ASTN1: variants seen among roughly 807,000 people sequenced by gnomAD.
ASTN1 encodes astrotactin 1, also known as astrotactin-1.
In ASTN1, 41 loss-of-function variants were observed where a neutral mutation model predicts 140.7. That is an observed-to-expected ratio of 0.29 (90% CI 0.23 to 0.38). The LOEUF (loss-of-function observed/expected upper bound fraction) is 0.38, where lower values mean the gene tolerates loss of function less well. Ranked by LOEUF, ASTN1 falls within the 10% of genes least tolerant of loss-of-function variation. The probability of loss-of-function intolerance (pLI) is 1.00; values close to 1 mark genes in which losing one functional copy is unlikely to be tolerated. For synonymous variants in ASTN1, 640 were observed against 652.2 expected (o/e 0.98, Z 0.29); for missense variants, 1,479 against 1,678.8 (o/e 0.88, Z 2.08).
At position 176,985,845 on chromosome 1, in the gene ASTN1, TACACACACACACAC is replaced by T. The variant is rs60769752; in HGVS notation, c.1524-20622_1524-20609del. On this transcript the variant is annotated intron_variant, in intron 8 of 22. Transcript: ENST00000361833. ...TATTGGTTCTCTCTCTCTCTCTCTC[TACACACACACACAC>T]ACACACACACACACACACACACACA... is the stretch of plus-strand genomic sequence containing the variant. Among the ~76,000 whole-genome samples the T allele has an allele frequency of 3.0e-4, 39 of 129,744 alleles. No homozygotes were observed. In the South Asian group the frequency reaches 4.7e-3, roughly 16 times the overall value. 85.1% of individuals were successfully genotyped at this position (129,744 alleles called of 152,430 possible).
At chr1:176,871,218 T>C (rs950406903) in intron 21 of ASTN1, among the ~76,000 whole-genome samples, 9 of 151,980 alleles carry the variant, frequency 5.9e-5, no homozygotes, top group Non-Finnish European at 1.3e-4. Flanking sequence ...TTTCTGAAGT[T>C]GAGACAAGAA....
intron 2 of ASTN1, among the ~76,000 whole-genome samples, chr1:177,059,409 G>A (rs1677971419): frequency 6.6e-6 from 1 of 152,120 alleles, no homozygotes; most frequent in Admixed American, 6.5e-5. Context: ...TTCTCACAGA[G>A]GAAAAACACT....
At chr1:176,925,149 A>G (rs1670901117) in intron 16 of ASTN1, among the ~76,000 whole-genome samples, 2 of 152,224 alleles carry the variant, frequency 1.3e-5, no homozygotes, top group African/African-American at 2.4e-5. Flanking sequence ...GCCTAATCAA[A>G]GAAAAGCCTT....
intron 16 of ASTN1, among the ~76,000 whole-genome samples, chr1:176,902,633 G>A (rs778855374): frequency 1.3e-5 from 2 of 152,128 alleles, no homozygotes; most frequent in African/African-American, 4.8e-5. Flanking sequence ...ACAGCCTCCC[G>A]TATGCTTCTT....
intron 1 of ASTN1, among the ~76,000 whole-genome samples, chr1:177,116,851 T>C (rs1681113746): frequency 6.6e-6 from 1 of 152,148 alleles, no homozygotes; most frequent in African/African-American, 2.4e-5. Flanking sequence ...TTCCCACCCA[T>C]TAAATGCAAG....
At chr1:176,967,774 G>A (rs1257849968) in intron 8 of ASTN1, among the ~76,000 whole-genome samples, 1 of 152,184 alleles carries the variant, frequency 6.6e-6, no homozygotes, top group Non-Finnish European at 1.5e-5. Flanking sequence ...AGTAGTTTAG[G>A]TCAAGGAGAC....
intron 1 of ASTN1, among the ~76,000 whole-genome samples, chr1:177,082,034 G>C (rs1177751522): frequency 6.6e-6 from 1 of 152,198 alleles, no homozygotes; most frequent in Non-Finnish European, 1.5e-5. Flanking sequence ...GGAGGAGCAA[G>C]ATTGGCTGAG....
At chr1:176,884,577 C>T in intron 18 of ASTN1, 87 bp from the exon 19 acceptor site, 1 of 1,414,506 alleles carries the variant, frequency 7.1e-7, no homozygotes. Flanking sequence ...ATACTGTAAG[C>T]TTTTCTTTCC....
chr1:177,153,312 T>A (rs1683116684), intron 1 of ASTN1, among the ~76,000 whole-genome samples: 3 of 152,138 alleles, frequency 2.0e-5, no homozygotes, highest in Admixed American at 6.6e-5. Flanking sequence ...TCTTCCACCA[T>A]GAGTGGAAGC....
chr1:176,990,106 T>C (rs1674088660), intron 8 of ASTN1, among the ~76,000 whole-genome samples: 1 of 151,586 alleles, frequency 6.6e-6, no homozygotes, highest in Non-Finnish European at 1.5e-5. Flanking sequence ...ACAAATGCAG[T>C]AAAAAGGAGC....
chr1:177,057,567 T>A (rs1571720038), intron 2 of ASTN1, among the ~76,000 whole-genome samples: 1 of 152,136 alleles, frequency 6.6e-6, no homozygotes, highest in Non-Finnish European at 1.5e-5. Context: ...TTGGAAATAG[T>A]TAGGATTATT....
rs118100562 is a variant in ASTN1, at chr1:177,005,756, C to T, written c.1523+9035G>A. On this transcript the variant is annotated intron_variant, in intron 8 of 22. Transcript: ENST00000361833. ...TACAGGCGCCCGCCACCATGGCACC[C>T]GCCACCACGCCCAGCTAATTTTCTG... Among the ~76,000 whole-genome samples, 559 of 152,128 alleles carry T rather than the reference C, an allele frequency of 3.7e-3. 25 individuals are homozygous for T. In the East Asian group the frequency reaches 0.097, roughly 26 times the overall value.
At chr1:176,901,288 T>G (rs1410701530) in intron 16 of ASTN1, among the ~76,000 whole-genome samples, 2 of 152,220 alleles carry the variant, frequency 1.3e-5, no homozygotes, top group Non-Finnish European at 2.9e-5. Flanking sequence ...CAAAGATCAT[T>G]AATTCCCTTG....
chr1:177,094,816 T>G (rs951263178), intron 1 of ASTN1, among the ~76,000 whole-genome samples: 4 of 152,194 alleles, frequency 2.6e-5, no homozygotes, highest in Admixed American at 2.6e-4. Context: ...GTGAAAAGAC[T>G]GTTAAGGGTA....
chr1:177,067,656 T>C (rs966499635), intron 1 of ASTN1, among the ~76,000 whole-genome samples: 3 of 152,174 alleles, frequency 2.0e-5, no homozygotes, highest in Non-Finnish European at 4.4e-5. Flanking sequence ...AGGGGATCAC[T>C]AATTATCCTG....
chr1:177,034,811 A>T (rs1162801997), intron 2 of ASTN1, among the ~76,000 whole-genome samples: 1 of 152,248 alleles, frequency 6.6e-6, no homozygotes, highest in Non-Finnish European at 1.5e-5. Flanking sequence ...CAACTGAGAG[A>T]AGTTGTCAGA....
intron 8 of ASTN1, among the ~76,000 whole-genome samples, chr1:177,011,366 C>T (rs1045672128): frequency 6.6e-6 from 1 of 152,136 alleles, no homozygotes; most frequent in African/African-American, 2.4e-5. Context: ...TTACTTGTTA[C>T]TCTTTCAACT....
At chr1:176,857,344 T>G, downstream of ASTN1, 1 of 383,538 alleles carries the variant, frequency 2.6e-6, no homozygotes, top group Non-Finnish European at 4.6e-6. Flanking sequence ...TATATATTAA[T>G]CAAGACCTAG....
chr1:176,961,486 T>A (rs1347438600), intron 9 of ASTN1, among the ~76,000 whole-genome samples: 1 of 152,182 alleles, frequency 6.6e-6, no homozygotes, highest in African/African-American at 2.4e-5. Flanking sequence ...GCCTCATTTA[T>A]CCTTACAACA....
Sources: allele counts gnomAD v4.1 joint callset (sites outside exome capture counted in the v4.1 genomes callset), GRCh38; gene constraint gnomAD v4.1.1; transcripts MANE v1.5; gene names NCBI Gene and HGNC (gene_info 2026-07-23, HGNC 2026-07-21).